Variants in MEGF10 observed in about 807,000 individuals in gnomAD.
MEGF10 encodes the protein multiple epidermal growth factor-like domains protein 10.
In MEGF10, 86 loss-of-function variants were observed where a neutral mutation model predicts 147.5. The observed-to-expected ratio is 0.58, with a 90% CI of 0.49 to 0.70. MEGF10 has a LOEUF of 0.70. Among genes scored for constraint, MEGF10 ranks in the 30% least tolerant of loss-of-function variants. The pLI, the probability that MEGF10 is intolerant of heterozygous loss-of-function variation, is 0.00. For synonymous variants in MEGF10, 478 were observed against 525.5 expected (o/e 0.91, Z 1.24); for missense variants, 1,329 against 1,487.3 (o/e 0.89, Z 1.75).
upstream of MEGF10, among the ~76,000 whole-genome samples, chr5:127,287,948 C>T (rs1038439769): frequency 1.1e-4 from 17 of 151,966 alleles, 1 homozygote; most frequent in African/African-American, 4.1e-4. Flanking sequence ...TAGACTCACT[C>T]ATCTATGGCC....
At chr5:127,245,001 A>G in the MEGF10 span, among the ~76,000 whole-genome samples, 3 of 152,220 alleles carry the variant, frequency 2.0e-5, no homozygotes, top group African/African-American at 7.2e-5. Context: ...GGATGGGAAG[A>G]ATCAATATTG....
intron 1 of MEGF10, among the ~76,000 whole-genome samples, chr5:127,326,399 G>A (rs376546464): frequency 1.8e-4 from 27 of 152,088 alleles, no homozygotes; most frequent in East Asian, 1.2e-3. Context: ...AGTCATACCT[G>A]GATAATATGT....
intron 6 of MEGF10, 33 bp downstream of exon 6, chr5:127,396,811 G>A (rs760205052): frequency 1.3e-6 from 2 of 1,597,460 alleles, no homozygotes; most frequent in Non-Finnish European, 1.7e-6. Flanking sequence ...GCAGAGCAGA[G>A]CCCACCCACC....
chr5:127,403,300 A>T (rs1170213482), intron 8 of MEGF10, among the ~76,000 whole-genome samples: 1 of 151,414 alleles, frequency 6.6e-6, no homozygotes, highest in Non-Finnish European at 1.5e-5. Flanking sequence ...TTTTATTTTT[A>T]TTTTTTTTGT....
Position 127,371,190 on chromosome 5 carries a change from A to AGTGTGTGT in MEGF10, c.412+1188_412+1189insGTGTGTGT, listed in dbSNP as rs1561600717. Among the ~76,000 whole-genome samples, 15 of 93,764 alleles carry AGTGTGTGT rather than the reference A, an allele frequency of 1.6e-4. No homozygotes were observed. The East Asian group carries it at 3.1e-3, about 19-fold the overall frequency. The allele number at this position is 93,764 out of a possible 152,430, so 61.5% of individuals were successfully genotyped here. The stretch of plus-strand genomic sequence containing the variant: ...AACTGTACCTTAAACAGGGACTGGG[A>AGTGTGTGT]CTGTGTGTGTGTGTGTGTGTGTGTG... On this transcript the variant is annotated intron_variant, in intron 5 of 24. Transcript: ENST00000503335.
chr5:127,435,635 A>T lies in MEGF10; in HGVS notation c.2104+146A>T, dbSNP rs566785986. ...ACATTCTACTTTAAATTCTTTTTTTAAAATTCTTTTTTTTTTTCCCATTAC... is the reference window on the plus strand; with the variant it reads ...ACATTCTACTTTAAATTCTTTTTTTTAAATTCTTTTTTTTTTTCCCATTAC... On this transcript the variant is annotated intron_variant, in intron 16 of 24. Transcript: ENST00000503335. 33 of 883,082 alleles carry T rather than the reference A, an allele frequency of 3.7e-5. 1 individual carries two copies. In the South Asian group the frequency reaches 5.0e-4, roughly 14 times the overall value. The allele number at this position is 883,082 out of a possible 1,614,324, so 54.7% of individuals were successfully genotyped here.
the MEGF10 span, among the ~76,000 whole-genome samples, chr5:127,254,646 A>C: frequency 6.6e-6 from 1 of 151,894 alleles, no homozygotes; most frequent in Middle Eastern, 3.4e-3. Context: ...CCTCGTCTCT[A>C]CTAAAAATAC....
At chr5:127,421,770 T>C (rs1205646752) in intron 12 of MEGF10, among the ~76,000 whole-genome samples, 3 of 152,066 alleles carry the variant, frequency 2.0e-5, no homozygotes, top group Non-Finnish European at 2.9e-5. Context: ...TAGTACCATG[T>C]ATCTCGTTGG....
At chr5:127,362,687 G>C (rs1430258564) in intron 4 of MEGF10, among the ~76,000 whole-genome samples, 1 of 152,056 alleles carries the variant, frequency 6.6e-6, no homozygotes, top group African/African-American at 2.4e-5. Context: ...TTTATCAAGT[G>C]TGTTTCTTGT....
chr5:127,349,940 A>T (rs1440439482), intron 4 of MEGF10, among the ~76,000 whole-genome samples: 1 of 152,116 alleles, frequency 6.6e-6, no homozygotes, highest in Admixed American at 6.6e-5. Context: ...AGATATGTAA[A>T]TATTTTTGGC....
At chr5:127,303,730 T>C (rs1179340432) in intron 1 of MEGF10, among the ~76,000 whole-genome samples, 1 of 152,164 alleles carries the variant, frequency 6.6e-6, no homozygotes, top group Non-Finnish European at 1.5e-5. Context: ...AGTTAAGGTG[T>C]GGATGTATTA....
At chr5:127,304,884 T>C (rs2546080) in intron 1 of MEGF10, among the ~76,000 whole-genome samples, 94,634 of 152,062 alleles carry the variant, frequency 0.62, 29,953 homozygotes, top group Middle Eastern at 0.67. Flanking sequence ...AGAAACCAAA[T>C]TGGCTAGGAC....
chr5:127,438,897 A>G (rs774306574), intron 17 of MEGF10, among the ~76,000 whole-genome samples: 12 of 152,168 alleles, frequency 7.9e-5, no homozygotes, highest in African/African-American at 2.7e-4. Context: ...ATAAGTATAG[A>G]GATTAGAAAG....
At chr5:127,277,768 AT>A in the MEGF10 span, among the ~76,000 whole-genome samples, 9 of 152,244 alleles carry the variant, frequency 5.9e-5, no homozygotes, top group African/African-American at 2.2e-4. Flanking sequence ...GAATTTGCTT[AT>A]AGTTTGAATG....
chr5:127,370,013 A>T lies in MEGF10; in HGVS notation c.412+11A>T, dbSNP rs751645074. 1.4e-5 allele frequency: 23 copies of T among 1,606,798 alleles called. No individual in the cohort carries two copies. In the Admixed American group the frequency reaches 1.7e-4, roughly 12 times the overall value. On this transcript the variant is annotated intron_variant, in intron 5 of 24. Coordinates refer to ENST00000503335, the MANE Select transcript of MEGF10 (RefSeq NM_001256545.2). ...CCAACTGCTCCAGTGGTAAGTTTCC[A>T]CCTGCTGTTGTCTGTCTCGGGATGT...
In MEGF10 at chr5:127,454,563, C is replaced by T; in HGVS notation, c.2981-3C>T. ...GGGTGTTTTTTTTCTTCCTTTATTA[C>T]AGGTGCTTTTGGACTTGACAGAAGC... On this transcript the variant is annotated splice_region_variant and splice_polypyrimidine_tract_variant and intron_variant, in intron 22 of 24. Coordinates refer to ENST00000503335, the MANE Select transcript of MEGF10 (RefSeq NM_001256545.2). The T allele has an allele frequency of 6.2e-7, 1 of 1,607,070 alleles. No individual in the cohort carries two copies. Among genetic ancestry groups the T allele is most frequent in the Non-Finnish European group, 8.5e-7 (1 of 1,177,744 alleles).
Position 127,410,500 on chromosome 5 carries a change from A to C in MEGF10, c.1029A>C (p.Ala343=). The C allele has an allele frequency of 6.2e-7, 1 of 1,614,156 alleles. No individual in the cohort carries two copies. Among genetic ancestry groups the C allele is most frequent in the Non-Finnish European group, 8.5e-7 (1 of 1,180,040 alleles). ...YHVSGACLCE[A]GFAGERCEAR... is the part of the protein sequence containing the mutation. ...TGAGCGGCGCATGCCTCTGTGAAGC[A>C]GGCTTTGCTGGCGAGCGCTGCGAAG... is the stretch of plus-strand genomic sequence containing the variant. The change falls in exon 9 of 25, where the codon GCA becomes GCC. Residue 343 remains alanine, a synonymous_variant. Transcript: ENST00000503335.
intron 16 of MEGF10, among the ~76,000 whole-genome samples, chr5:127,437,085 A>T (rs922192980): frequency 1.3e-5 from 2 of 152,240 alleles, no homozygotes; most frequent in African/African-American, 4.8e-5. Context: ...TCAGAAAAAT[A>T]TATTGTGAAC....
the MEGF10 span, among the ~76,000 whole-genome samples, chr5:127,243,275 C>T: frequency 6.6e-6 from 1 of 152,126 alleles, no homozygotes; most frequent in African/African-American, 2.4e-5. Flanking sequence ...GGGCATATTT[C>T]CCTGTCCTTG....
Sources: allele counts gnomAD v4.1 joint callset (sites outside exome capture counted in the v4.1 genomes callset), GRCh38; gene constraint gnomAD v4.1.1; transcripts MANE v1.5; gene names NCBI Gene and HGNC (gene_info 2026-07-23, HGNC 2026-07-21).